Variants in CFAP299 observed in about 807,000 individuals in gnomAD.
CFAP299 encodes cilia and flagella associated protein 299.
Under a neutral mutation model 27.0 loss-of-function variants are expected in CFAP299, and 21 were observed. The ratio of observed to expected loss-of-function variants is 0.78; its 90% CI spans 0.55 to 1.12. The LOEUF (loss-of-function observed/expected upper bound fraction) is 1.12, where lower values mean the gene tolerates loss of function less well. Ranked by LOEUF, CFAP299 falls within the 50% of genes most tolerant of loss-of-function variation. The pLI, the probability that CFAP299 is intolerant of heterozygous loss-of-function variation, is 0.00. For synonymous variants in CFAP299, 104 were observed against 98.1 expected (o/e 1.06, Z -0.36); for missense variants, 310 against 276.6 (o/e 1.12, Z -0.86).
At chr4:80,762,008 A>T (rs547808560) in intron 3 of CFAP299, among the ~76,000 whole-genome samples, 1 of 152,174 alleles carries the variant, frequency 6.6e-6, no homozygotes, top group Admixed American at 6.5e-5. Flanking sequence ...GTATTTGTGT[A>T]CATGTTTATA....
intron 1 of CFAP299, among the ~76,000 whole-genome samples, chr4:80,354,784 GT>G (rs1423428227): frequency 1.3e-5 from 2 of 151,906 alleles, no homozygotes; most frequent in Non-Finnish European, 2.9e-5. Flanking sequence ...TTGATTTTCT[GT>G]TCCTGTGTTA....
At chr4:80,701,457 G>T (rs1721475850) in intron 3 of CFAP299, among the ~76,000 whole-genome samples, 1 of 152,006 alleles carries the variant, frequency 6.6e-6, no homozygotes, top group South Asian at 2.1e-4. Context: ...TTTTGGCAAG[G>T]AGTGATATTT....
chr4:80,672,913 G>T (rs1741582424), intron 3 of CFAP299, among the ~76,000 whole-genome samples: 2 of 146,616 alleles, frequency 1.4e-5, no homozygotes, highest in African/African-American at 2.5e-5. Flanking sequence ...TATTAGTCTT[G>T]TTAGTGGTCT....
Position 80,800,761 on chromosome 4 carries a change from G to GTATATATA in CFAP299, c.334-69231_334-69230insATATATAT, listed in dbSNP as rs1553893592. 2.0e-3 allele frequency among the ~76,000 whole-genome samples: 260 copies of GTATATATA among 128,488 alleles called. 1 individual carries two copies. Among genetic ancestry groups the GTATATATA allele is most frequent in the Middle Eastern group, 3.9e-3 (1 of 256 alleles). The allele number at this position is 128,488 out of a possible 152,430, so 84.3% of individuals were successfully genotyped here. A position where few individuals can be genotyped will look rare whatever the true frequency, so the allele number is the denominator to read the frequency against. On this transcript the variant is annotated intron_variant, in intron 3 of 5. Transcript: ENST00000358105. Reference sequence around the variant, plus strand: ...ATATATAATCAGTGTGTGTGTGTGTGTGTGTGTATATATATATATGTATAC... The same window carrying GTATATATA: ...ATATATAATCAGTGTGTGTGTGTGTGTATATATATGTGTGTATATATATATATGTATAC...
chr4:80,411,654 T>C (rs1726728058), intron 2 of CFAP299, among the ~76,000 whole-genome samples: 1 of 152,104 alleles, frequency 6.6e-6, no homozygotes, highest in African/African-American at 2.4e-5. Flanking sequence ...GTGAATTCTT[T>C]CACCATTTTT....
In CFAP299 at chr4:80,940,412, G is replaced by A. The variant is rs182726758; in HGVS notation, c.477-4398G>A. 4.1e-3 allele frequency among the ~76,000 whole-genome samples: 617 copies of A among 152,280 alleles called. 1 individual carries two copies. The highest frequency in any genetic ancestry group is 0.014 in the Middle Eastern group (4 of 292). Reference sequence around the variant, plus strand: ...TATGGGAGAAATCATGGGCCTGCGGGATCTCCCTTGGCCCTAGGCTATGCT... The same window carrying A: ...TATGGGAGAAATCATGGGCCTGCGGAATCTCCCTTGGCCCTAGGCTATGCT... On this transcript the variant is annotated intron_variant, in intron 4 of 5. Coordinates refer to ENST00000358105, the MANE Select transcript of CFAP299 (RefSeq NM_152770.3).
intron 3 of CFAP299, among the ~76,000 whole-genome samples, chr4:80,689,450 A>T (rs933971717): frequency 2.6e-5 from 4 of 152,282 alleles, no homozygotes; most frequent in East Asian, 1.9e-4. Flanking sequence ...CTAAGCTTCA[A>T]AAGTGAAGGA....
intron 3 of CFAP299, among the ~76,000 whole-genome samples, chr4:80,624,492 G>A (rs1298260522): frequency 3.3e-5 from 5 of 151,680 alleles, no homozygotes; most frequent in African/African-American, 1.2e-4. Context: ...TGAGATTTAT[G>A]GGGCAGCAAC....
intron 2 of CFAP299, among the ~76,000 whole-genome samples, chr4:80,401,602 G>T (rs111752452): frequency 3.3e-5 from 5 of 152,178 alleles, no homozygotes; most frequent in South Asian, 2.1e-4. Flanking sequence ...ACACCTGAAT[G>T]CCCAGGCAAA....
intron 2 of CFAP299, among the ~76,000 whole-genome samples, chr4:80,462,794 T>C (rs556452565): frequency 6.6e-6 from 1 of 152,242 alleles, no homozygotes; most frequent in East Asian, 1.9e-4. Flanking sequence ...CATTAGTCTA[T>C]TACTCAGCAA....
chr4:80,815,362 A>G (rs1163246069), intron 3 of CFAP299, among the ~76,000 whole-genome samples: 2 of 151,858 alleles, frequency 1.3e-5, no homozygotes, highest in South Asian at 4.1e-4. Context: ...TGAAGTGTGA[A>G]ACAATTTTCA....
At position 80,933,233 on chromosome 4, in the gene CFAP299, A is replaced by G. The variant is rs1488910836; in HGVS notation, c.477-11577A>G. On this transcript the variant is annotated intron_variant, in intron 4 of 5. Transcript: ENST00000358105. ...GACCTACAGTACTATATTATTACTC[A>G]TAAGCCATCATATTACACATTAGAT... 1.0e-4 allele frequency among the ~76,000 whole-genome samples: 15 copies of G among 149,780 alleles called. No homozygotes were observed. In the Admixed American group the frequency reaches 1.0e-3, roughly 10 times the overall value.
chr4:80,945,008 A>T (rs1737401427), intron 5 of CFAP299, 69 bp downstream of exon 5: 1 of 1,433,680 alleles, frequency 7.0e-7, no homozygotes, highest in African/African-American at 1.4e-5. Context: ...CTATTCAAAA[A>T]ATCTGTTAAA....
intron 3 of CFAP299, among the ~76,000 whole-genome samples, chr4:80,740,860 C>T (rs1286321756): frequency 3.9e-5 from 6 of 152,110 alleles, no homozygotes; most frequent in African/African-American, 7.2e-5. Flanking sequence ...AGGCCACCAC[C>T]GATGTTTACT....
chr4:80,437,802 G>T (rs567537899), intron 2 of CFAP299, among the ~76,000 whole-genome samples: 12 of 152,278 alleles, frequency 7.9e-5, no homozygotes, highest in African/African-American at 2.4e-4. Flanking sequence ...TAGTAATATT[G>T]TAATTTTTAT....
intron 2 of CFAP299, among the ~76,000 whole-genome samples, chr4:80,517,898 G>A (rs1732664720): frequency 6.6e-6 from 1 of 152,178 alleles, no homozygotes; most frequent in Admixed American, 6.6e-5. Context: ...GACACAGGTA[G>A]GCTCTTTGAT....
At chr4:80,520,899 G>A (rs371937833) in intron 2 of CFAP299, among the ~76,000 whole-genome samples, 22 of 151,964 alleles carry the variant, frequency 1.4e-4, no homozygotes, top group East Asian at 7.7e-4. Flanking sequence ...GAAATACAAG[G>A]GATAAAAAAT....
intron 1 of CFAP299, among the ~76,000 whole-genome samples, chr4:80,359,376 A>G (rs1376626642): frequency 6.6e-6 from 1 of 151,932 alleles, no homozygotes; most frequent in Non-Finnish European, 1.5e-5. Context: ...CTCTATCTAG[A>G]TTGGAGAATT....
chr4:80,427,878 C>A (rs1370421873), intron 2 of CFAP299, among the ~76,000 whole-genome samples: 1 of 151,828 alleles, frequency 6.6e-6, no homozygotes, highest in Non-Finnish European at 1.5e-5. Context: ...TTCTTTATTG[C>A]TTCAGATTTT....
Sources: gnomAD v4.1 joint callset for allele counts (sites outside exome capture counted in the v4.1 genomes callset) on GRCh38, gnomAD v4.1.1 for gene constraint, MANE v1.5 for transcripts, NCBI Gene and HGNC (gene_info 2026-07-23, HGNC 2026-07-21) for gene names.